The following LSAMP variants were observed in gnomAD, a reference collection of about 807,000 sequenced individuals.
The protein encoded by LSAMP is limbic system associated membrane protein, also known as limbic system-associated membrane protein.
A neutral mutation model predicts 38.6 loss-of-function variants in LSAMP; 7 were observed. That is an observed-to-expected ratio of 0.18 (90% CI 0.10 to 0.34). The LOEUF is 0.34. Ranked by LOEUF, LSAMP falls within the 10% of genes least tolerant of loss-of-function variation. LSAMP has a pLI of 1.00. For synonymous variants in LSAMP, 154 were observed against 166.8 expected, an observed-to-expected ratio of 0.92 and a Z score of 0.59; for missense variants, 313 against 420.0, an observed-to-expected ratio of 0.75 and a Z score of 2.23.
intron 3 of LSAMP, among the ~76,000 whole-genome samples, chr3:115,947,107 T>C (rs1938125261): frequency 6.6e-6 from 1 of 152,160 alleles, no homozygotes; most frequent in African/African-American, 2.4e-5. Flanking sequence ...TTCTCATTAA[T>C]GACAGAAATC....
intron 1 of LSAMP, among the ~76,000 whole-genome samples, chr3:116,241,824 T>A (rs915879755): frequency 9.9e-5 from 15 of 152,216 alleles, no homozygotes; most frequent in African/African-American, 3.6e-4. Context: ...TCCAAATATG[T>A]TTCCTCACCA....
rs1016041864 is a variant in LSAMP, at chr3:115,950,416, T to G, written c.514+69099A>C. On this transcript the variant is annotated intron_variant, in intron 3 of 6. Transcript: ENST00000490035. ...GGATACAAAAATCAATGTATACAAA[T>G]CGGTACCACTGCTATACATCAACAA... Among the ~76,000 whole-genome samples, 4 of 151,962 alleles carry G rather than the reference T, an allele frequency of 2.6e-5. No individual in the cohort carries two copies. The East Asian group carries it at 7.7e-4, about 29-fold the overall frequency.
At chr3:116,018,339 A>C (rs1055041264) in intron 3 of LSAMP, among the ~76,000 whole-genome samples, 1 of 152,150 alleles carries the variant, frequency 6.6e-6, no homozygotes, top group South Asian at 2.1e-4. Flanking sequence ...ACACCACACA[A>C]TACAGATAGT....
intron 1 of LSAMP, among the ~76,000 whole-genome samples, chr3:116,396,064 G>A (rs2048762903): frequency 6.6e-6 from 1 of 152,010 alleles, no homozygotes; most frequent in Non-Finnish European, 1.5e-5. Context: ...TATTAATTAG[G>A]CTCCCAGGCT....
intron 3 of LSAMP, among the ~76,000 whole-genome samples, chr3:115,862,870 T>TG (rs1935747904): frequency 6.6e-6 from 1 of 151,920 alleles, no homozygotes; most frequent in South Asian, 2.1e-4. Flanking sequence ...ACAGTGGGAG[T>TG]GGGGGTCCCA....
intron 1 of LSAMP, among the ~76,000 whole-genome samples, chr3:116,272,664 A>ATAAC (rs1384609739): frequency 4.6e-5 from 7 of 152,264 alleles, no homozygotes; most frequent in African/African-American, 1.7e-4. Flanking sequence ...GACAGTAGGA[A>ATAAC]TAACTATTCA....
chr3:116,260,442 C>A (rs761148804), intron 1 of LSAMP, among the ~76,000 whole-genome samples: 4 of 151,500 alleles, frequency 2.6e-5, no homozygotes, highest in African/African-American at 9.7e-5. Context: ...TTACTATAAA[C>A]TATACTAATA....
intron 1 of LSAMP, among the ~76,000 whole-genome samples, chr3:116,416,081 T>C (rs1472626551): frequency 6.6e-6 from 1 of 152,218 alleles, no homozygotes; most frequent in African/African-American, 2.4e-5. Context: ...TGGATTTTTA[T>C]TTCCATAGAT....
At chr3:116,169,867 C>T (rs1214088494) in intron 1 of LSAMP, among the ~76,000 whole-genome samples, 1 of 152,084 alleles carries the variant, frequency 6.6e-6, no homozygotes, top group African/African-American at 2.4e-5. Context: ...TTTTTGATGC[C>T]TACCATTCAG....
At chr3:116,166,193 C>T (rs1710046415) in intron 1 of LSAMP, among the ~76,000 whole-genome samples, 1 of 152,338 alleles carries the variant, frequency 6.6e-6, no homozygotes, top group Admixed American at 6.5e-5. Flanking sequence ...CAGCAGCCTT[C>T]TGCCATTGGA....
chr3:116,427,083 A>C (rs1490045932), intron 1 of LSAMP, among the ~76,000 whole-genome samples: 2 of 149,982 alleles, frequency 1.3e-5, no homozygotes, highest in African/African-American at 4.9e-5. Context: ...GTGTCATTGC[A>C]ACCCTTAAGA....
chr3:116,040,673 T>C (rs964414448), intron 2 of LSAMP, among the ~76,000 whole-genome samples: 6 of 152,052 alleles, frequency 3.9e-5, no homozygotes, highest in Non-Finnish European at 4.4e-5. Context: ...CATGGAGGAG[T>C]CTCCCAAGGC....
At chr3:116,380,807 T>C (rs538558782) in intron 1 of LSAMP, among the ~76,000 whole-genome samples, 1 of 152,206 alleles carries the variant, frequency 6.6e-6, no homozygotes, top group Middle Eastern at 3.4e-3. Flanking sequence ...GGTATTTCTA[T>C]TGGGTATAGC....
intron 3 of LSAMP, among the ~76,000 whole-genome samples, chr3:116,011,289 G>A (rs1403803680): frequency 1.3e-5 from 2 of 152,280 alleles, no homozygotes; most frequent in Non-Finnish European, 1.5e-5. Flanking sequence ...TTAATTTTAC[G>A]ATGTTCCTTC....
chr3:115,911,509 G>T (rs544580733), intron 3 of LSAMP, among the ~76,000 whole-genome samples: 17 of 152,088 alleles, frequency 1.1e-4, no homozygotes, highest in African/African-American at 3.9e-4. Context: ...CTGCCACCAC[G>T]CCTGGCTAAT....
At chr3:116,328,904 A>G (rs2047812129) in intron 1 of LSAMP, among the ~76,000 whole-genome samples, 1 of 152,174 alleles carries the variant, frequency 6.6e-6, no homozygotes, top group African/African-American at 2.4e-5. Context: ...ACTATATAGG[A>G]CCATAGCTTG....
At chr3:116,421,915 T>C (rs954643378) in intron 1 of LSAMP, among the ~76,000 whole-genome samples, 1 of 152,176 alleles carries the variant, frequency 6.6e-6, no homozygotes, top group Non-Finnish European at 1.5e-5. Flanking sequence ...ATCCAGTAAT[T>C]CCAATCCTCA....
intron 1 of LSAMP, among the ~76,000 whole-genome samples, chr3:116,158,504 G>T (rs551348786): frequency 6.6e-6 from 1 of 152,186 alleles, no homozygotes; most frequent in South Asian, 2.1e-4. Context: ...TAAGTTTCAG[G>T]ATACAAAATT....
chr3:115,910,720 G>A (rs186464488), intron 3 of LSAMP, among the ~76,000 whole-genome samples: 1 of 152,170 alleles, frequency 6.6e-6, no homozygotes, highest in African/African-American at 2.4e-5. Flanking sequence ...CCTCAACACT[G>A]CAAACCACTA....
Sources: gnomAD v4.1 joint callset for allele counts (sites outside exome capture counted in the v4.1 genomes callset) on GRCh38, gnomAD v4.1.1 for gene constraint, MANE v1.5 for transcripts, NCBI Gene and HGNC (gene_info 2026-07-23, HGNC 2026-07-21) for gene names.